ADAT2: variants seen among roughly 807,000 people sequenced by gnomAD.
The protein encoded by ADAT2 is adenosine deaminase tRNA specific 2.
A neutral mutation model predicts 25.9 loss-of-function variants in ADAT2; 26 were observed. That is an observed-to-expected ratio of 1.00 (90% CI 0.74 to 1.39). ADAT2 has a LOEUF of 1.39. ADAT2 is among the 40% of genes most tolerant of loss of function. The pLI is 0.00. For synonymous variants in ADAT2, 76 were observed against 86.8 expected, an observed-to-expected ratio of 0.88 and a Z score of 0.69; for missense variants, 220 against 244.8, an observed-to-expected ratio of 0.90 and a Z score of 0.68.
At chr6:143,447,488 C>A (rs1157771968) in intron 1 of ADAT2, among the ~76,000 whole-genome samples, 1 of 152,112 alleles carries the variant, frequency 6.6e-6, no homozygotes, top group Non-Finnish European at 1.5e-5. Flanking sequence ...TGCAAAAGTA[C>A]ATATGGCTGT....
At chr6:143,447,781 C>T (rs1313296365) in intron 1 of ADAT2, among the ~76,000 whole-genome samples, 4 of 152,046 alleles carry the variant, frequency 2.6e-5, no homozygotes, top group African/African-American at 9.7e-5. Context: ...GTGTTCTACG[C>T]TTTTACACTG....
At chr6:143,447,200 C>T (rs1424651132) in intron 1 of ADAT2, among the ~76,000 whole-genome samples, 1 of 152,142 alleles carries the variant, frequency 6.6e-6, no homozygotes, top group African/African-American at 2.4e-5. Flanking sequence ...TGAAATGTGG[C>T]TAATACAACT....
chr6:143,448,347 C>T (rs1205714250), intron 1 of ADAT2, among the ~76,000 whole-genome samples: 1 of 152,024 alleles, frequency 6.6e-6, no homozygotes, highest in Admixed American at 6.6e-5. Flanking sequence ...CACATGTATA[C>T]ATATGTAACA....
In ADAT2 at chr6:143,423,994, T is replaced by C. The variant is rs1309992572; in HGVS notation, c.*4469A>G. ...CACCATGAAGCCTCCTTAATAGTCA[T>C]GGATATGTGGTGTTCAACCCAATAT... On this transcript the variant is annotated 3_prime_UTR_variant, in exon 6 of 6. Coordinates refer to ENST00000237283, the MANE Select transcript of ADAT2 (RefSeq NM_182503.3). 3 of 152,206 alleles carry C rather than the reference T, an allele frequency of 2.0e-5. No homozygotes were observed. The highest frequency in any genetic ancestry group is 2.9e-5 in the Non-Finnish European group (2 of 68,046). 9.4% of individuals were successfully genotyped at this position (152,206 alleles called of 1,614,324 possible). A position where few individuals can be genotyped will look rare whatever the true frequency, so the allele number is the denominator to read the frequency against.
Position 143,444,985 on chromosome 6 carries a change from A to C in ADAT2, c.96+5578T>G. ...GAAATATTTCCTATAAAGACAAAAA[A>C]TTAGGGGGAACAAACAAGTTAGCCA... On this transcript the variant is annotated intron_variant, in intron 1 of 5. Coordinates refer to ENST00000237283, the MANE Select transcript of ADAT2 (RefSeq NM_182503.3). The surrounding 1 kb of genome is among the most constrained non-coding windows in gnomAD (Gnocchi z 4.3). 5 of 1,301,936 alleles carry C rather than the reference A, an allele frequency of 3.8e-6. No homozygotes were observed. Among genetic ancestry groups the C allele is most frequent in the Non-Finnish European group, 4.1e-6 (4 of 987,282 alleles). 80.6% of individuals were successfully genotyped at this position (1,301,936 alleles called of 1,614,324 possible).
rs9321912 is a variant in ADAT2, at chr6:143,432,349, T to C, written c.459+156A>G. On this transcript the variant is annotated intron_variant, in intron 4 of 5. Transcript: ENST00000237283. The surrounding 1 kb of genome is among the most constrained non-coding windows in gnomAD (Gnocchi z 4.4). ...GAAACTCTTCCCTGTCATCTTATAC[T>C]GAGGCATAAATGAACTCCACCAGAG... Among the ~76,000 whole-genome samples, 42,877 of 152,118 alleles carry C rather than the reference T, an allele frequency of 0.28. 6,293 individuals carry two copies. The highest frequency in any genetic ancestry group is 0.32 in the Admixed American group (4,891 of 15,286).
chr6:143,431,008 C>G (rs1466757571), intron 4 of ADAT2, among the ~76,000 whole-genome samples: 1 of 152,168 alleles, frequency 6.6e-6, no homozygotes, highest in Non-Finnish European at 1.5e-5. Flanking sequence ...CAGTAAGAAA[C>G]AGTATCCCAC....
At chr6:143,448,164 C>T (rs931456116) in intron 1 of ADAT2, among the ~76,000 whole-genome samples, 1 of 152,076 alleles carries the variant, frequency 6.6e-6, no homozygotes. Flanking sequence ...GAAAACCAAA[C>T]ACCGCATGTT....
In ADAT2 at chr6:143,425,936, AT is replaced by A. The variant is rs1778922668; in HGVS notation, c.*2526del. On this transcript the variant is annotated 3_prime_UTR_variant, in exon 6 of 6. Transcript: ENST00000237283. ...CCAAGTAACAAGAAAGCACAAAGAT[AT>A]TTTAACATGATCTTTTATCAGTGAT... 6.6e-6 allele frequency: 1 copy of A among 152,580 alleles called. No homozygotes were observed. Among genetic ancestry groups the A allele is most frequent in the African/African-American group, 2.4e-5 (1 of 41,414 alleles). The allele number at this position is 152,580 out of a possible 1,614,324, so 9.5% of individuals were successfully genotyped here.
chr6:143,429,438 G>T lies in ADAT2; in HGVS notation c.460-754C>A, dbSNP rs546269432. Among the ~76,000 whole-genome samples, 10 of 150,070 alleles carry T rather than the reference G, an allele frequency of 6.7e-5. No individual in the cohort carries two copies. The South Asian group carries it at 2.1e-3, about 31-fold the overall frequency. On this transcript the variant is annotated intron_variant, in intron 4 of 5. Transcript: ENST00000237283. ...TCATAACATGTGAAAGAATAAATAAGAAATTGTGCTAACAGTAAGGAGTGT... is the reference window on the plus strand; with the variant it reads ...TCATAACATGTGAAAGAATAAATAATAAATTGTGCTAACAGTAAGGAGTGT...
intron 2 of ADAT2, among the ~76,000 whole-genome samples, chr6:143,435,233 T>A (rs1779236984): frequency 6.7e-6 from 1 of 149,082 alleles, no homozygotes; most frequent in Non-Finnish European, 1.5e-5. Flanking sequence ...TGGAATCAAA[T>A]CTCCCTACAG....
In ADAT2 at chr6:143,425,778, T is replaced by TGTGTGTGTGTGTGTGTGTGTGTG. The variant is rs71024852; in HGVS notation, c.*2684_*2685insCACACACACACACACACACACAC. 6.8e-6 allele frequency: 1 copy of TGTGTGTGTGTGTGTGTGTGTGTG among 146,302 alleles called. No homozygotes were observed. Among genetic ancestry groups the TGTGTGTGTGTGTGTGTGTGTGTG allele is most frequent in the African/African-American group, 2.5e-5 (1 of 39,476 alleles). 9.1% of individuals were successfully genotyped at this position (146,302 alleles called of 1,614,324 possible). ...GTGTGTGTGTGTGTGTGTGTGTGTG[T>TGTGTGTGTGTGTGTGTGTGTGTG]ATTTTATATATATATACTTTTCCCA... On this transcript the variant is annotated 3_prime_UTR_variant, in exon 6 of 6. Coordinates refer to ENST00000237283, the MANE Select transcript of ADAT2 (RefSeq NM_182503.3).
At position 143,436,990 on chromosome 6, in the gene ADAT2, T is replaced by A. The variant is rs991968492; in HGVS notation, c.201+1600A>T. Among the ~76,000 whole-genome samples the A allele has an allele frequency of 3.9e-5, 6 of 152,212 alleles. No homozygotes were observed. Among genetic ancestry groups the A allele is most frequent in the African/African-American group, 1.4e-4 (6 of 41,458 alleles). ...TCAAAGGACAAAGAATTTTGTGAAATACTATATTTTTATTTAAGTGTCTTT... is the reference window on the plus strand; with the variant it reads ...TCAAAGGACAAAGAATTTTGTGAAAAACTATATTTTTATTTAAGTGTCTTT... On this transcript the variant is annotated intron_variant, in intron 2 of 5. Coordinates refer to ENST00000237283, the MANE Select transcript of ADAT2 (RefSeq NM_182503.3). This position sits in a 1 kb window ranked among gnomAD's most constrained non-coding sequence, Gnocchi z 4.1.
rs1199455614 is a variant in ADAT2 at position 143,444,485 on chromosome 6, T to C, written c.97-5791A>G. The C allele has an allele frequency of 1.3e-5, 2 of 152,618 alleles. No homozygotes were observed. Among genetic ancestry groups the C allele is most frequent in the African/African-American group, 2.4e-5 (1 of 41,442 alleles). The allele number at this position is 152,618 out of a possible 1,614,324, so 9.5% of individuals were successfully genotyped here. On this transcript the variant is annotated intron_variant, in intron 1 of 5. Coordinates refer to ENST00000237283, the MANE Select transcript of ADAT2 (RefSeq NM_182503.3). The surrounding 1 kb of genome is among the most constrained non-coding windows in gnomAD (Gnocchi z 4.3). The stretch of plus-strand genomic sequence containing the variant: ...TAAGCTGGAAATCAATTTCACCCCA[T>C]ACCCATATCATACTTTCAAACTCTC...
chr6:143,428,380 T>A lies in ADAT2; in HGVS notation c.*83A>T. On this transcript the variant is annotated 3_prime_UTR_variant, in exon 6 of 6. Coordinates refer to ENST00000237283, the MANE Select transcript of ADAT2 (RefSeq NM_182503.3). The surrounding 1 kb of genome is among the most constrained non-coding windows in gnomAD (Gnocchi z 5.0). The stretch of plus-strand genomic sequence containing the variant: ...AGATTAAAAACAATATATAAACATA[T>A]GATTCAACGATGTCAACAGCTTTCA... 1 of 1,442,274 alleles carries A rather than the reference T, an allele frequency of 6.9e-7. No individual in the cohort carries two copies. The highest frequency in any genetic ancestry group is 9.6e-7 in the Non-Finnish European group (1 of 1,042,654). 89.3% of individuals were successfully genotyped at this position (1,442,274 alleles called of 1,614,324 possible).
At chr6:143,448,676 T>C (rs1779664798) in intron 1 of ADAT2, among the ~76,000 whole-genome samples, 1 of 143,570 alleles carries the variant, frequency 7.0e-6, no homozygotes, top group South Asian at 2.1e-4. Flanking sequence ...TGTGTATTCA[T>C]TTATTTGCTG....
chr6:143,431,821 C>T (rs1175843498), intron 4 of ADAT2, among the ~76,000 whole-genome samples: 1 of 152,094 alleles, frequency 6.6e-6, no homozygotes, highest in Non-Finnish European at 1.5e-5. Flanking sequence ...GAGAGAAAAA[C>T]AATCAAACCA....
At chr6:143,435,755 C>T (rs1431763343) in intron 2 of ADAT2, among the ~76,000 whole-genome samples, 1 of 152,156 alleles carries the variant, frequency 6.6e-6, no homozygotes, top group Admixed American at 6.5e-5. Flanking sequence ...GTAATTAAAA[C>T]ATTTTTAAAA....
chr6:143,433,687 CT>C (rs139230939), intron 3 of ADAT2, 143 bp downstream of exon 3: 196,567 of 756,774 alleles, frequency 0.26, 27,881 homozygotes, highest in Admixed American at 0.32. Context: ...AAAAGCTTTT[CT>C]TTTTTTTGGC....
Sources: allele counts gnomAD v4.1 joint callset (sites outside exome capture counted in the v4.1 genomes callset), GRCh38; gene constraint gnomAD v4.1.1; non-coding constraint Gnocchi (gnomAD v3.1); transcripts MANE v1.5; gene names NCBI Gene and HGNC (gene_info 2026-07-23, HGNC 2026-07-21).